P2RX5: variants seen among roughly 807,000 people sequenced by gnomAD.
The protein encoded by P2RX5 is P2X purinoceptor 5.
P2RX5 carries 46 observed loss-of-function variants against 54.1 expected under a neutral mutation model. The observed-to-expected ratio is 0.85, with a 90% confidence interval of 0.67 to 1.09. P2RX5 has a LOEUF of 1.09. Among genes scored for constraint, P2RX5 ranks in the 50% least tolerant of loss-of-function variants. P2RX5 has a pLI of 0.00. For synonymous variants in P2RX5, 226 were observed against 226.4 expected, an observed-to-expected ratio of 1.00 and a Z score of 0.02; for missense variants, 566 against 549.8, an observed-to-expected ratio of 1.03 and a Z score of -0.29.
chr17:3,677,346 GA>G, intron 11 of P2RX5: 1 of 952,736 alleles, frequency 1.0e-6, no homozygotes. Flanking sequence ...CGGGCGTCCC[GA>G]GGCTGGTGGA....
chr17:3,699,934 GAAAGAAAGAAA>G (rs2050806855), upstream of P2RX5, among the ~76,000 whole-genome samples: 1 of 103,310 alleles, frequency 9.7e-6, no homozygotes, highest in Non-Finnish European at 2.2e-5. Context: ...AAGAAAGAAA[GAAAGAAAGAAA>G]GAAAGAAAGA....
intron 1 of P2RX5, 102 bp downstream of exon 1, chr17:3,695,767 C>T (rs2050741145): frequency 6.8e-7 from 1 of 1,460,614 alleles, no homozygotes; most frequent in Non-Finnish European, 9.6e-7. Flanking sequence ...ACCGGGAAAA[C>T]CGCGTGCACG....
intron 9 of P2RX5, chr17:3,682,699 A>C (rs2142997814): frequency 6.4e-6 from 1 of 155,600 alleles, no homozygotes; most frequent in Non-Finnish European, 1.4e-5. Context: ...GAAGGGTTCT[A>C]ACCAACAAGG....
At chr17:3,690,274 G>A (rs934058156) in intron 5 of P2RX5, 124 bp from the exon 6 acceptor site, 1 of 1,173,114 alleles carries the variant, frequency 8.5e-7, no homozygotes. Flanking sequence ...CAGTTAATTT[G>A]CTCATGCTGG....
chr17:3,706,568 C>T, the P2RX5 span, among the ~76,000 whole-genome samples: 1 of 151,334 alleles, frequency 6.6e-6, no homozygotes, highest in Admixed American at 6.7e-5. Flanking sequence ...CAGGGTGCGG[C>T]TCCCACATCA....
chr17:3,713,109 C>A, the P2RX5 span, among the ~76,000 whole-genome samples: 1 of 152,178 alleles, frequency 6.6e-6, no homozygotes, highest in Non-Finnish European at 1.5e-5. Flanking sequence ...CACGCCCCAA[C>A]ACTTTCAGAG....
At position 3,696,084 on chromosome 17, in the gene P2RX5, C is replaced by A; in HGVS notation, c.-79G>T. Reference sequence around the variant, plus strand: ...AGCACTCGGTCCCTCGGTCCCTGCGCGCCCGGCGCCCGCCTCGGCCCGTCT... The same window carrying A: ...AGCACTCGGTCCCTCGGTCCCTGCGAGCCCGGCGCCCGCCTCGGCCCGTCT... On this transcript the variant is annotated 5_prime_UTR_variant, in exon 1 of 12. Coordinates refer to ENST00000225328, the MANE Select transcript of P2RX5 (RefSeq NM_002561.4). The A allele has an allele frequency of 6.9e-7, 1 of 1,453,264 alleles. No homozygotes were observed. Among genetic ancestry groups the A allele is most frequent in the South Asian group, 1.4e-5 (1 of 72,360 alleles). 90.0% of individuals were successfully genotyped at this position (1,453,264 alleles called of 1,614,324 possible).
At chr17:3,674,338 C>CAAA (rs11419219) in intron 11 of P2RX5, among the ~76,000 whole-genome samples, 1 of 146,160 alleles carries the variant, frequency 6.8e-6, no homozygotes, top group Non-Finnish European at 1.5e-5. Flanking sequence ...AAAAAAAATA[C>CAAA]AAAAAAAAAA....
chr17:3,714,888 C>A, the P2RX5 span: 16 of 1,611,502 alleles, frequency 9.9e-6, no homozygotes, highest in Non-Finnish European at 1.4e-5. Flanking sequence ...TTCAGCTGGG[C>A]CTTCCTGATG....
chr17:3,714,163 G>A, the P2RX5 span, among the ~76,000 whole-genome samples: 3 of 152,108 alleles, frequency 2.0e-5, no homozygotes, highest in South Asian at 2.1e-4. Context: ...TCCTGACCTC[G>A]TGATCCACCT....
At chr17:3,701,696 GAAAAAA>G in the P2RX5 span, among the ~76,000 whole-genome samples, 29,334 of 70,620 alleles carry the variant, frequency 0.42, 2,908 homozygotes, top group East Asian at 0.61. Flanking sequence ...CTCTGTCTCA[GAAAAAA>G]AAAAAAAAAA....
Position 3,696,074 on chromosome 17 carries a change from G to T in P2RX5, c.-69C>A. On this transcript the variant is annotated 5_prime_UTR_variant, in exon 1 of 12. Transcript: ENST00000225328. ...GCTCATGGGGAGCACTCGGTCCCTCGGTCCCTGCGCGCCCGGCGCCCGCCT... is the reference window on the plus strand; with the variant it reads ...GCTCATGGGGAGCACTCGGTCCCTCTGTCCCTGCGCGCCCGGCGCCCGCCT... 1.3e-6 allele frequency: 2 copies of T among 1,535,996 alleles called. No homozygotes were observed. Among genetic ancestry groups the T allele is most frequent in the Non-Finnish European group, 1.8e-6 (2 of 1,140,730 alleles).
chr17:3,720,588 T>G, the P2RX5 span: 10 of 391,324 alleles, frequency 2.6e-5, no homozygotes, highest in South Asian at 3.3e-4. Context: ...AACTTCCTTT[T>G]TTTTTTTTTT....
intron 9 of P2RX5, among the ~76,000 whole-genome samples, chr17:3,683,090 G>A (rs2050331289): frequency 1.3e-5 from 2 of 152,116 alleles, no homozygotes; most frequent in African/African-American, 4.8e-5. Flanking sequence ...GACGACCCCA[G>A]CTCAGCCCCT....
At position 3,690,944 on chromosome 17, in the gene P2RX5, G is replaced by T; in HGVS notation, c.360+12C>A. 1.2e-6 allele frequency: 2 copies of T among 1,610,178 alleles called. No homozygotes were observed. Among genetic ancestry groups the T allele is most frequent in the Non-Finnish European group, 1.7e-6 (2 of 1,178,184 alleles). ...TCCCACCCCCACGCCAGGGCCCCTC[G>T]CCAAATCAAACCTCAGCACAGACGT... On this transcript the variant is annotated intron_variant, in intron 3 of 11. Transcript: ENST00000225328.
intron 1 of P2RX5, among the ~76,000 whole-genome samples, chr17:3,693,915 C>G (rs1290975962): frequency 1.3e-5 from 2 of 151,700 alleles, no homozygotes; most frequent in Non-Finnish European, 2.9e-5. Flanking sequence ...CATGCGCTCG[C>G]CACCACACCC....
chr17:3,676,352 C>G (rs559951253), intron 11 of P2RX5: 2 of 985,322 alleles, frequency 2.0e-6, no homozygotes, highest in African/African-American at 1.7e-5. Flanking sequence ...AGAAACCACA[C>G]GAGTTTTCGG....
upstream of P2RX5, among the ~76,000 whole-genome samples, chr17:3,698,779 C>A (rs2050796538): frequency 6.6e-6 from 1 of 152,046 alleles, no homozygotes; most frequent in Non-Finnish European, 1.5e-5. Context: ...ACATGAGGGG[C>A]ATCTAGAGGG....
At chr17:3,683,792 G>A (rs777585214) in intron 9 of P2RX5, among the ~76,000 whole-genome samples, 24 of 151,742 alleles carry the variant, frequency 1.6e-4, no homozygotes, top group Middle Eastern at 3.5e-3. Flanking sequence ...GAAAGTAACA[G>A]GCGCAAACAT....
Sources: gnomAD v4.1 joint callset for allele counts (sites outside exome capture counted in the v4.1 genomes callset) on GRCh38, gnomAD v4.1.1 for gene constraint, MANE v1.5 for transcripts, NCBI Gene and HGNC (gene_info 2026-07-23, HGNC 2026-07-21) for gene names.